The following SRBD1 variants were observed in gnomAD, a reference collection of about 807,000 sequenced individuals.
The protein encoded by SRBD1 is S1 RNA binding domain 1, also known as S1 RNA-binding domain-containing protein 1.
Under a neutral mutation model 115.3 loss-of-function variants are expected in SRBD1, and 88 were observed. That is an observed-to-expected ratio of 0.76 (90% CI 0.64 to 0.91). The LOEUF is 0.91. SRBD1 is among the 40% of genes least tolerant of loss of function. The pLI, the probability that SRBD1 is intolerant of heterozygous loss-of-function variation, is 0.00. For missense variants in SRBD1, 1,385 were observed against 1,177.4 expected (o/e 1.18, Z -2.58); for synonymous variants, 509 against 407.7 (o/e 1.25, Z -2.99).
chr2:45,520,215 A>G (rs188861607), intron 14 of SRBD1, among the ~76,000 whole-genome samples: 16 of 152,340 alleles, frequency 1.1e-4, no homozygotes, highest in Admixed American at 3.3e-4. Context: ...CCTGGCCTCA[A>G]TGGTACTTTT....
chr2:45,566,137 C>T (rs1243851289), intron 9 of SRBD1, among the ~76,000 whole-genome samples: 1 of 152,158 alleles, frequency 6.6e-6, no homozygotes. Flanking sequence ...CATAGCCACT[C>T]TGGAAAATAT....
At chr2:45,452,783 G>C (rs1468085656) in intron 16 of SRBD1, among the ~76,000 whole-genome samples, 1 of 151,800 alleles carries the variant, frequency 6.6e-6, no homozygotes, top group Non-Finnish European at 1.5e-5. Flanking sequence ...TAAAAAAATT[G>C]GTTGTGGTGG....
chr2:45,453,433 T>C (rs899283461), intron 16 of SRBD1, among the ~76,000 whole-genome samples: 1 of 151,932 alleles, frequency 6.6e-6, no homozygotes, highest in Non-Finnish European at 1.5e-5. Context: ...TTCCACATTA[T>C]AGTATACAGA....
At chr2:45,430,793 T>C (rs902054321) in intron 16 of SRBD1, among the ~76,000 whole-genome samples, 35 of 151,962 alleles carry the variant, frequency 2.3e-4, no homozygotes, top group Non-Finnish European at 4.9e-4. Context: ...AATTGGCAAA[T>C]GGGATCTAAC....
chr2:45,467,821 A>C (rs1023327466), intron 16 of SRBD1, among the ~76,000 whole-genome samples: 4 of 152,138 alleles, frequency 2.6e-5, no homozygotes, highest in Non-Finnish European at 2.9e-5. Context: ...CTCATTGTAA[A>C]ACACACATGT....
chr2:45,562,852 G>A lies in SRBD1; in HGVS notation c.1306-96C>T, dbSNP rs867451904. ...TGACAGCTATATGAATTTTTTACTC[G>A]TTTATTAAACAAGAATACATTTTAA... On this transcript the variant is annotated intron_variant, in intron 9 of 20. Coordinates refer to ENST00000263736, the MANE Select transcript of SRBD1 (RefSeq NM_018079.5). The A allele has an allele frequency of 5.7e-5, 39 of 688,992 alleles. No homozygotes were observed. In the Middle Eastern group the frequency reaches 1.3e-3, roughly 23 times the overall value. 42.7% of individuals were successfully genotyped at this position (688,992 alleles called of 1,614,324 possible).
At position 45,482,613 on chromosome 2, in the gene SRBD1, AACACAC is replaced by A. The variant is rs70937962; in HGVS notation, c.1967-5544_1967-5539del. Among the ~76,000 whole-genome samples, 442 of 148,528 alleles carry A rather than the reference AACACAC, an allele frequency of 3.0e-3. 1 individual carries two copies. Among genetic ancestry groups the A allele is most frequent in the East Asian group, 7.5e-3 (38 of 5,052 alleles). ...GGAGAAAAACCTATTCACAACGTTA[AACACAC>A]ACACACACACACACACACACACACA... On this transcript the variant is annotated intron_variant, in intron 15 of 20. Transcript: ENST00000263736.
chr2:45,400,777 T>C (rs1213063564), intron 19 of SRBD1, among the ~76,000 whole-genome samples: 1 of 152,168 alleles, frequency 6.6e-6, no homozygotes, highest in Non-Finnish European at 1.5e-5. Flanking sequence ...GATATGGTAC[T>C]ATTATTACGC....
chr2:45,550,494 A>AAC (rs1672262514), intron 12 of SRBD1, among the ~76,000 whole-genome samples: 1 of 34,272 alleles, frequency 2.9e-5, no homozygotes, highest in African/African-American at 1.3e-4. Context: ...TACAGTAGCC[A>AAC]AAAAAAAAAA....
intron 14 of SRBD1, among the ~76,000 whole-genome samples, chr2:45,492,897 TAACAGAAG>T (rs1396520571): frequency 1.3e-5 from 2 of 152,234 alleles, no homozygotes; most frequent in Non-Finnish European, 2.9e-5. Flanking sequence ...TCTTTTATGT[TAACAGAAG>T]AACTTAATTT....
At chr2:45,443,805 G>GAAA (rs10611144) in intron 16 of SRBD1, among the ~76,000 whole-genome samples, 8 of 130,722 alleles carry the variant, frequency 6.1e-5, no homozygotes, top group South Asian at 5.1e-4. Flanking sequence ...AAGTTATTTT[G>GAAA]AAAAAAAAAA....
At chr2:45,458,523 C>A (rs182157961) in intron 16 of SRBD1, among the ~76,000 whole-genome samples, 2 of 152,252 alleles carry the variant, frequency 1.3e-5, no homozygotes, top group African/African-American at 2.4e-5. Context: ...GACCCTCTGA[C>A]AACTTTATTT....
chr2:45,419,986 C>T lies in SRBD1; in HGVS notation c.2050-92G>A, dbSNP rs1336416853. On this transcript the variant is annotated intron_variant, in intron 16 of 20. Coordinates refer to ENST00000263736, the MANE Select transcript of SRBD1 (RefSeq NM_018079.5). ...GCCTATATTACTGGTGGTTAGCTAA[C>T]ACACACCATGGTAAATTTCTTCATT... is the stretch of plus-strand genomic sequence containing the variant. 4.5e-6 allele frequency: 5 copies of T among 1,121,394 alleles called. No individual in the cohort carries two copies. The Admixed American group carries it at 7.1e-5, about 16-fold the overall frequency. The allele number at this position is 1,121,394 out of a possible 1,614,324, so 69.5% of individuals were successfully genotyped here.
chr2:45,561,594 T>G (rs1672665698), intron 10 of SRBD1, among the ~76,000 whole-genome samples: 1 of 152,200 alleles, frequency 6.6e-6, no homozygotes, highest in African/African-American at 2.4e-5. Context: ...AAAATTTACA[T>G]CTCCTAGCTG....
Position 45,599,486 on chromosome 2 carries a change from G to C in SRBD1, c.611C>G (p.Thr204Ser), listed in dbSNP as rs143533550. The C allele has an allele frequency of 6.2e-7, 1 of 1,614,000 alleles. No homozygotes were observed. The highest frequency in any genetic ancestry group is 1.3e-5 in the African/African-American group (1 of 74,904). Residue 204 changes from threonine to serine, a missense_variant, in exon 4 of 21, where the codon ACT becomes AGT. Coordinates refer to ENST00000263736, the MANE Select transcript of SRBD1 (RefSeq NM_018079.5). ...PVKFPANANS[T>S]KEEVEMNWDM... is the part of the protein sequence containing the mutation. Reference sequence around the variant, plus strand: ...CCAATTCATTTCCACCTCCTCTTTAGTACTATTGGCATTTGCTGGAAACTT... The same window carrying C: ...CCAATTCATTTCCACCTCCTCTTTACTACTATTGGCATTTGCTGGAAACTT...
At chr2:45,427,914 C>T (rs904395130) in intron 16 of SRBD1, among the ~76,000 whole-genome samples, 6 of 152,132 alleles carry the variant, frequency 3.9e-5, no homozygotes, top group Admixed American at 1.3e-4. Context: ...GACTTTAAAA[C>T]CCCACTGTCA....
chr2:45,433,852 C>T (rs1668410824), intron 16 of SRBD1, among the ~76,000 whole-genome samples: 2 of 152,188 alleles, frequency 1.3e-5, no homozygotes, highest in African/African-American at 2.4e-5. Flanking sequence ...AAAATACATA[C>T]TTCAAACATC....
chr2:45,494,309 A>C (rs972839988), intron 14 of SRBD1, among the ~76,000 whole-genome samples: 2 of 152,120 alleles, frequency 1.3e-5, no homozygotes, highest in Non-Finnish European at 2.9e-5. Context: ...CTCATATGTA[A>C]TCAGAAAAGG....
intron 16 of SRBD1, among the ~76,000 whole-genome samples, chr2:45,421,505 TCAAACAAAAAAAAAAAAAAAAAAA>T (rs1668000945): frequency 6.5e-5 from 3 of 46,292 alleles, no homozygotes; most frequent in African/African-American, 2.7e-4. Flanking sequence ...AGACTCCGTC[TCAAACAAAAAAAAAAAAAAAAAAA>T]AAAAAAAAAA....
Sources: gnomAD v4.1 joint callset for allele counts (sites outside exome capture counted in the v4.1 genomes callset) on GRCh38, gnomAD v4.1.1 for gene constraint, MANE v1.5 for transcripts, NCBI Gene and HGNC (gene_info 2026-07-23, HGNC 2026-07-21) for gene names.